Variants in NETO1 observed in about 807,000 individuals in gnomAD.
NETO1 encodes the protein neuropilin and tolloid-like protein 1.
In NETO1, 26 loss-of-function variants were observed where a neutral mutation model predicts 61.3. The ratio of observed to expected loss-of-function variants is 0.42; its 90% CI spans 0.31 to 0.59. The LOEUF (loss-of-function observed/expected upper bound fraction) is 0.59. Among genes scored for constraint, NETO1 ranks in the 20% least tolerant of loss-of-function variants. NETO1 has a pLI of 0.12. For synonymous variants in NETO1, 225 were observed against 225.8 expected, an observed-to-expected ratio of 1.00 and a Z score of 0.03; for missense variants, 531 against 662.8, an observed-to-expected ratio of 0.80 and a Z score of 2.18.
chr18:72,837,728 A>G (rs1308650736), intron 4 of NETO1, among the ~76,000 whole-genome samples: 1 of 152,172 alleles, frequency 6.6e-6, no homozygotes, highest in African/African-American at 2.4e-5. Context: ...GCTAATGTAG[A>G]ATTTCCTTTT....
At chr18:72,760,695 G>A (rs11662639) in intron 7 of NETO1, among the ~76,000 whole-genome samples, 13,236 of 152,164 alleles carry the variant, frequency 0.087, 716 homozygotes, top group Middle Eastern at 0.16. Context: ...ACTTACCCAA[G>A]CGACTTAATA....
chr18:72,813,289 G>A (rs1312462614), intron 4 of NETO1, among the ~76,000 whole-genome samples: 1 of 152,124 alleles, frequency 6.6e-6, no homozygotes, highest in Admixed American at 6.6e-5. Context: ...AAGTGACAAG[G>A]GTTACACGGA....
Position 72,835,453 on chromosome 18 carries a change from ACTC to A in NETO1, c.469+23370_469+23372del, listed in dbSNP as rs2073714934. The A allele has an allele frequency of 3.5e-5, 18 of 519,808 alleles. No homozygotes were observed. The South Asian group carries it at 6.0e-4, about 17-fold the overall frequency. 32.2% of individuals were successfully genotyped at this position (519,808 alleles called of 1,614,324 possible). A position where few individuals can be genotyped will look rare whatever the true frequency, so the allele number is the denominator to read the frequency against. Reference sequence around the variant, plus strand: ...ATCCAAAGTAGGAATACAAGTTAAAACTCCTGTTTATTCTATTCTAGTAACTCA... The same window carrying A: ...ATCCAAAGTAGGAATACAAGTTAAAACTGTTTATTCTATTCTAGTAACTCA... On this transcript the variant is annotated intron_variant, in intron 4 of 10. Transcript: ENST00000327305.
At chr18:72,856,546 A>T (rs1432406770) in intron 4 of NETO1, among the ~76,000 whole-genome samples, 3 of 145,098 alleles carry the variant, frequency 2.1e-5, no homozygotes, top group African/African-American at 8.0e-5. Flanking sequence ...ATTGTCTCAA[A>T]CTATTCTGTG....
At chr18:72,864,734 T>G (rs1300243974) in intron 3 of NETO1, 74 bp downstream of exon 3, 4 of 1,590,722 alleles carry the variant, frequency 2.5e-6, no homozygotes, top group African/African-American at 1.3e-5. Context: ...TATACGCATA[T>G]TCTTCATCCA....
intron 4 of NETO1, among the ~76,000 whole-genome samples, chr18:72,806,068 T>TG (rs1282830698): frequency 1.3e-5 from 2 of 151,860 alleles, no homozygotes; most frequent in Admixed American, 6.6e-5. Flanking sequence ...GTAGGCTTCG[T>TG]GGGGGGTGGG....
chr18:72,832,122 G>A (rs1318633380), intron 4 of NETO1, among the ~76,000 whole-genome samples: 1 of 152,076 alleles, frequency 6.6e-6, no homozygotes, highest in Non-Finnish European at 1.5e-5. Context: ...ATTAGTAAAT[G>A]AATAATTGAT....
intron 4 of NETO1, among the ~76,000 whole-genome samples, chr18:72,829,777 C>T (rs540702723): frequency 1.7e-4 from 26 of 152,268 alleles, no homozygotes; most frequent in Middle Eastern, 3.4e-3. Context: ...AGTGTTCACG[C>T]TGGTGCTCTA....
rs1026384895 is a variant in NETO1, at chr18:72,830,733, C to G, written c.469+28093G>C. ...AACAAAAGATGAATTTTAACCACCT[C>G]CACTTTGACTGCATTTTCCCTCAAA... On this transcript the variant is annotated intron_variant, in intron 4 of 10. Transcript: ENST00000327305. The surrounding 1 kb of genome is among the most constrained non-coding windows in gnomAD (Gnocchi z 4.9). Among the ~76,000 whole-genome samples, 9 of 152,190 alleles carry G rather than the reference C, an allele frequency of 5.9e-5. No homozygotes were observed. Among genetic ancestry groups the G allele is most frequent in the Admixed American group, 3.3e-4 (5 of 15,292 alleles).
rs188431729 is a variant in NETO1 at position 72,795,555 on chromosome 18, A to G, written c.470-1151T>C. On this transcript the variant is annotated intron_variant, in intron 4 of 10. Coordinates refer to ENST00000327305, the MANE Select transcript of NETO1 (RefSeq NM_138966.5). ...ATATTTATGGAGTAACTTATTCTCCATAAGTTACATTCTTGGAGTTGCATT... is the reference window on the plus strand; with the variant it reads ...ATATTTATGGAGTAACTTATTCTCCGTAAGTTACATTCTTGGAGTTGCATT... Among the ~76,000 whole-genome samples, 25 of 152,316 alleles carry G rather than the reference A, an allele frequency of 1.6e-4. No individual in the cohort carries two copies. In the East Asian group the frequency reaches 4.6e-3, roughly 28 times the overall value.
chr18:72,766,592 C>A (rs2071169847), intron 7 of NETO1, among the ~76,000 whole-genome samples: 4 of 151,916 alleles, frequency 2.6e-5, no homozygotes, highest in Non-Finnish European at 5.9e-5. Context: ...TTGAAAATAT[C>A]CAGTATTATC....
chr18:72,822,655 A>G (rs1309806664), intron 4 of NETO1, among the ~76,000 whole-genome samples: 1 of 152,258 alleles, frequency 6.6e-6, no homozygotes, highest in African/African-American at 2.4e-5. Flanking sequence ...CACATCTTGT[A>G]ATTGTAAAAC....
At chr18:72,849,739 T>C (rs1208538939) in intron 4 of NETO1, among the ~76,000 whole-genome samples, 2 of 152,226 alleles carry the variant, frequency 1.3e-5, no homozygotes, top group African/African-American at 4.8e-5. Flanking sequence ...CTGGTTCTGA[T>C]GTCAGAAATC....
chr18:72,762,216 A>G (rs2070999224), intron 7 of NETO1, among the ~76,000 whole-genome samples: 1 of 151,540 alleles, frequency 6.6e-6, no homozygotes, highest in African/African-American at 2.4e-5. Flanking sequence ...GCTGGAGTGC[A>G]ATGGCGCGAT....
intron 4 of NETO1, among the ~76,000 whole-genome samples, chr18:72,817,332 G>C (rs1328943216): frequency 6.6e-6 from 1 of 152,222 alleles, no homozygotes; most frequent in Non-Finnish European, 1.5e-5. Flanking sequence ...CACAGCCTCA[G>C]CTTAATTCCC....
chr18:72,857,103 C>T (rs183131788), intron 4 of NETO1, among the ~76,000 whole-genome samples: 201 of 152,318 alleles, frequency 1.3e-3, no homozygotes, highest in African/African-American at 4.7e-3. Flanking sequence ...TTCCAAGTCT[C>T]CTTTTTATGG....
chr18:72,836,266 G>A lies in NETO1; in HGVS notation c.469+22560C>T, dbSNP rs566226272. 5.3e-5 allele frequency among the ~76,000 whole-genome samples: 8 copies of A among 152,154 alleles called. No homozygotes were observed. The South Asian group carries it at 1.0e-3, about 20-fold the overall frequency. On this transcript the variant is annotated intron_variant, in intron 4 of 10. Coordinates refer to ENST00000327305, the MANE Select transcript of NETO1 (RefSeq NM_138966.5). ...AGCCCGTGATCCACCATTCTTCTGC[G>A]TGGTTGACTTCCATCAACCTATCAA...
In NETO1 at chr18:72,819,375, C is replaced by T. The variant is rs183856654; in HGVS notation, c.470-24971G>A. 2.6e-5 allele frequency among the ~76,000 whole-genome samples: 4 copies of T among 152,112 alleles called. No homozygotes were observed. The East Asian group carries it at 7.7e-4, about 29-fold the overall frequency. On this transcript the variant is annotated intron_variant, in intron 4 of 10. Coordinates refer to ENST00000327305, the MANE Select transcript of NETO1 (RefSeq NM_138966.5). ...TCCTTGTGTTACAAAAAAGGATGGGCTTCTAAAGAGCTCTATAATTGCTGA... is the reference window on the plus strand; with the variant it reads ...TCCTTGTGTTACAAAAAAGGATGGGTTTCTAAAGAGCTCTATAATTGCTGA...
At chr18:72,852,197 T>A (rs1028735418) in intron 4 of NETO1, among the ~76,000 whole-genome samples, 1 of 152,148 alleles carries the variant, frequency 6.6e-6, no homozygotes, top group Non-Finnish European at 1.5e-5. Context: ...ACACCTTTCT[T>A]CCTTTTCATG....
Sources: gnomAD v4.1 joint callset for allele counts (sites outside exome capture counted in the v4.1 genomes callset) on GRCh38, gnomAD v4.1.1 for gene constraint, Gnocchi (gnomAD v3.1) non-coding constraint, MANE v1.5 for transcripts, NCBI Gene and HGNC (gene_info 2026-07-23, HGNC 2026-07-21) for gene names.